PCDH9: variants seen among roughly 807,000 people sequenced by gnomAD.
PCDH9 encodes the protein protocadherin-9.
Under a neutral mutation model 70.6 loss-of-function variants are expected in PCDH9, and 24 were observed. That is an observed-to-expected ratio of 0.34 (90% confidence interval 0.25 to 0.48). The LOEUF is 0.48. Ranked by LOEUF, PCDH9 falls within the 20% of genes least tolerant of loss-of-function variation. PCDH9 has a pLI of 0.99. For synonymous variants in PCDH9, 562 were observed against 558.5 expected, an observed-to-expected ratio of 1.01 and a Z score of -0.09; for missense variants, 1,281 against 1,503.6, an observed-to-expected ratio of 0.85 and a Z score of 2.45.
chr13:66,518,188 G>T (rs185795320), intron 4 of PCDH9, among the ~76,000 whole-genome samples: 1 of 152,002 alleles, frequency 6.6e-6, no homozygotes, highest in African/African-American at 2.4e-5. Flanking sequence ...AAACAGAGGA[G>T]GGGAGGTGCC....
At chr13:67,042,073 G>A (rs907761073) in intron 2 of PCDH9, among the ~76,000 whole-genome samples, 3 of 152,082 alleles carry the variant, frequency 2.0e-5, no homozygotes, top group Admixed American at 6.6e-5. Context: ...CCAGGATGGG[G>A]GTGTTTCGTA....
intron 3 of PCDH9, among the ~76,000 whole-genome samples, chr13:66,728,812 T>C (rs576595596): frequency 1.3e-5 from 2 of 152,210 alleles, no homozygotes; most frequent in South Asian, 4.1e-4. Context: ...TAAAGGTCCT[T>C]GATACCACCT....
rs370433608 is a variant in PCDH9 at position 66,984,180 on chromosome 13, C to T, written c.3037-80575G>A. Among the ~76,000 whole-genome samples the T allele has an allele frequency of 1.7e-3, 260 of 152,080 alleles. 8 individuals carry two copies. The South Asian group carries it at 0.05, about 29-fold the overall frequency. ...AAATATTAGACTAGGATGGAGGAAA[C>T]CTCTTTACTACGTCAGATTCCAGTT... On this transcript the variant is annotated intron_variant, in intron 2 of 4. Transcript: ENST00000377865.
Position 66,964,421 on chromosome 13 carries a change from C to T in PCDH9, c.3037-60816G>A, listed in dbSNP as rs1487097946. On this transcript the variant is annotated intron_variant, in intron 2 of 4. Transcript: ENST00000377865. ...CACTGAGAGAGAAAGAAATTCTACC[C>T]CTATGACCCAAAGCTATTGCATTCC... Among the ~76,000 whole-genome samples the T allele has an allele frequency of 3.3e-5, 5 of 151,768 alleles. No individual in the cohort carries two copies. In the East Asian group the frequency reaches 5.8e-4, roughly 18 times the overall value.
At chr13:66,330,326 T>C (rs2138114922) in intron 4 of PCDH9, among the ~76,000 whole-genome samples, 1 of 152,344 alleles carries the variant, frequency 6.6e-6, no homozygotes, top group Non-Finnish European at 1.5e-5. Context: ...GGGGAGATCT[T>C]CTGTTTCCTG....
At chr13:66,640,837 G>A (rs2077699306) in intron 3 of PCDH9, among the ~76,000 whole-genome samples, 1 of 151,998 alleles carries the variant, frequency 6.6e-6, no homozygotes, top group Admixed American at 6.6e-5. Flanking sequence ...AACTGATCTT[G>A]TGTCACACAA....
chr13:66,758,539 A>G (rs1298151576), intron 3 of PCDH9, among the ~76,000 whole-genome samples: 2 of 151,986 alleles, frequency 1.3e-5, no homozygotes, highest in African/African-American at 4.8e-5. Context: ...AGAACATGAT[A>G]ATTTATTCCT....
chr13:66,816,863 T>TC (rs2139372139), intron 3 of PCDH9, among the ~76,000 whole-genome samples: 1 of 151,814 alleles, frequency 6.6e-6, no homozygotes, highest in Admixed American at 6.6e-5. Context: ...AAGGTTTTTT[T>TC]TTTGGTAAGT....
At chr13:66,743,933 G>C (rs1024252685) in intron 3 of PCDH9, among the ~76,000 whole-genome samples, 3 of 151,872 alleles carry the variant, frequency 2.0e-5, no homozygotes, top group African/African-American at 4.8e-5. Context: ...AAGTCTACTG[G>C]GAAAAATAGA....
intron 2 of PCDH9, among the ~76,000 whole-genome samples, chr13:66,950,498 T>C (rs1403331514): frequency 6.6e-6 from 1 of 152,126 alleles, no homozygotes; most frequent in Non-Finnish European, 1.5e-5. Context: ...TGTATGATTT[T>C]TTTTTTTTAG....
intron 4 of PCDH9, among the ~76,000 whole-genome samples, chr13:66,599,436 A>G (rs897482394): frequency 7.2e-5 from 11 of 151,908 alleles, no homozygotes; most frequent in African/African-American, 2.7e-4. Flanking sequence ...AAAAGTTATT[A>G]CCTGAAATGT....
chr13:66,320,860 T>C (rs36118659), intron 4 of PCDH9, among the ~76,000 whole-genome samples: 8 of 152,076 alleles, frequency 5.3e-5, no homozygotes, highest in Non-Finnish European at 8.8e-5. Context: ...GAAATGGTGT[T>C]ATTTGACTAA....
chr13:66,998,716 TC>T (rs1332655470), intron 2 of PCDH9, among the ~76,000 whole-genome samples: 3 of 152,138 alleles, frequency 2.0e-5, no homozygotes, highest in Admixed American at 1.3e-4. Context: ...CTGCAATGTC[TC>T]CTATAACCAG....
intron 4 of PCDH9, among the ~76,000 whole-genome samples, chr13:66,460,782 C>G (rs1481908868): frequency 1.3e-5 from 2 of 151,802 alleles, no homozygotes; most frequent in African/African-American, 2.4e-5. Context: ...CACTCCACAC[C>G]TGCAGAAATG....
Position 67,143,112 on chromosome 13 carries a change from TA to T in PCDH9, c.3036+82292del, listed in dbSNP as rs1394584915. Among the ~76,000 whole-genome samples the T allele has an allele frequency of 9.2e-5, 14 of 152,138 alleles. No homozygotes were observed. In the East Asian group the frequency reaches 2.7e-3, roughly 29 times the overall value. ...CAAAATGAAATGAGAAAACAGGCATTAAAAAATTACACTTCTTTCTCCTAAT... is the reference window on the plus strand; with the variant it reads ...CAAAATGAAATGAGAAAACAGGCATTAAAAATTACACTTCTTTCTCCTAAT... On this transcript the variant is annotated intron_variant, in intron 2 of 4. Transcript: ENST00000377865.
At chr13:66,595,046 T>TA (rs2077085896) in intron 4 of PCDH9, among the ~76,000 whole-genome samples, 1 of 149,480 alleles carries the variant, frequency 6.7e-6, no homozygotes, top group South Asian at 2.1e-4. Context: ...CTCTCTAAAA[T>TA]AAGTGCACAC....
chr13:66,853,232 G>A (rs971123789), intron 3 of PCDH9, among the ~76,000 whole-genome samples: 14 of 117,238 alleles, frequency 1.2e-4, no homozygotes, highest in East Asian at 8.5e-4. Flanking sequence ...TAATAATAAT[G>A]ATAAAATATA....
intron 2 of PCDH9, among the ~76,000 whole-genome samples, chr13:67,005,685 A>G (rs1364668421): frequency 6.6e-6 from 1 of 152,236 alleles, no homozygotes; most frequent in Non-Finnish European, 1.5e-5. Context: ...TCTTCCACAA[A>G]TAATATGCTT....
intron 2 of PCDH9, among the ~76,000 whole-genome samples, chr13:67,189,230 C>A (rs374783149): frequency 4.2e-5 from 6 of 142,396 alleles, no homozygotes; most frequent in Non-Finnish European, 9.4e-5. Context: ...GTGTGTGTAT[C>A]TCTCTCACAA....
Sources: gnomAD v4.1 joint callset for allele counts (sites outside exome capture counted in the v4.1 genomes callset) on GRCh38, gnomAD v4.1.1 for gene constraint, MANE v1.5 for transcripts, NCBI Gene and HGNC (gene_info 2026-07-23, HGNC 2026-07-21) for gene names.